Variants in FIRRM observed in about 807,000 individuals in gnomAD.
FIRRM encodes FIGNL1-interacting regulator of recombination and mitosis.
the FIRRM span, among the ~76,000 whole-genome samples, chr1:169,802,223 G>A: frequency 4.6e-5 from 7 of 152,160 alleles, no homozygotes; most frequent in Non-Finnish European, 8.8e-5. Context: ...GCGATTCAGT[G>A]CAAATTCCTT....
the FIRRM span, among the ~76,000 whole-genome samples, chr1:169,814,423 A>G: frequency 2.0e-5 from 3 of 152,224 alleles, no homozygotes; most frequent in African/African-American, 2.4e-5. Flanking sequence ...TCAGTATACA[A>G]TAATTTCATA....
At chr1:169,793,550 G>C in the FIRRM span, 13 of 1,614,174 alleles carry the variant, frequency 8.1e-6, no homozygotes, top group Non-Finnish European at 1.1e-5. Flanking sequence ...TTGTTCTGCA[G>C]AACATTTTCT....
At chr1:169,816,937 G>T in the FIRRM span, among the ~76,000 whole-genome samples, 4 of 152,142 alleles carry the variant, frequency 2.6e-5, no homozygotes, top group African/African-American at 9.7e-5. Context: ...TGTAAGTTAA[G>T]AATATTCATA....
At chr1:169,801,644 A>G in the FIRRM span, among the ~76,000 whole-genome samples, 3 of 151,470 alleles carry the variant, frequency 2.0e-5, no homozygotes, top group Non-Finnish European at 4.4e-5. Context: ...GGCAAAATCA[A>G]GTAACTAAGA....
At chr1:169,840,249 A>G in the FIRRM span, among the ~76,000 whole-genome samples, 1 of 152,128 alleles carries the variant, frequency 6.6e-6, no homozygotes, top group African/African-American at 2.4e-5. Flanking sequence ...GTTTCTTCTA[A>G]TTCTGTGAAA....
the FIRRM span, among the ~76,000 whole-genome samples, chr1:169,811,051 G>A: frequency 2.1e-4 from 31 of 150,698 alleles, no homozygotes; most frequent in Non-Finnish European, 3.8e-4. Context: ...TAGTAGAGAC[G>A]GGGTTTCACC....
At chr1:169,853,152 G>A in the FIRRM span, 1 of 707,798 alleles carries the variant, frequency 1.4e-6, no homozygotes, top group African/African-American at 1.8e-5. Flanking sequence ...TTCTTATTAA[G>A]AACTTTGGTA....
At chr1:169,793,814 T>G in the FIRRM span, 1 of 888,456 alleles carries the variant, frequency 1.1e-6, no homozygotes, top group Admixed American at 3.2e-5. Context: ...CAATTTCTCT[T>G]TAGCAGCTTA....
the FIRRM span, among the ~76,000 whole-genome samples, chr1:169,810,316 A>G: frequency 7.2e-5 from 11 of 152,246 alleles, no homozygotes; most frequent in African/African-American, 1.4e-4. Context: ...CATGTGATGT[A>G]TCATTCCTTG....
At chr1:169,853,470 T>A in the FIRRM span, 6 of 471,774 alleles carry the variant, frequency 1.3e-5, no homozygotes, top group Middle Eastern at 5.5e-4. Context: ...GAAACTGGCC[T>A]CAGTCAAATG....
At chr1:169,816,498 T>G in the FIRRM span, among the ~76,000 whole-genome samples, 2 of 152,236 alleles carry the variant, frequency 1.3e-5, no homozygotes, top group African/African-American at 4.8e-5. Flanking sequence ...TAAGACTGAT[T>G]TGCTTTTTTA....
chr1:169,834,561 C>G, the FIRRM span, among the ~76,000 whole-genome samples: 1 of 152,044 alleles, frequency 6.6e-6, no homozygotes, highest in Non-Finnish European at 1.5e-5. Context: ...AGGCCAGGCA[C>G]TTAATTCATT....
the FIRRM span, chr1:169,821,837 A>G: frequency 1.1e-6 from 1 of 949,598 alleles, no homozygotes; most frequent in African/African-American, 1.7e-5. Flanking sequence ...TCCACAGAAT[A>G]GAAATTTCAA....
chr1:169,792,679 CT>C, the FIRRM span: 10 of 1,611,890 alleles, frequency 6.2e-6, no homozygotes, highest in Non-Finnish European at 8.5e-6. Context: ...CTTCTACAAA[CT>C]TCTGAAAGAG....
chr1:169,820,210 A>G, the FIRRM span, among the ~76,000 whole-genome samples: 2 of 152,152 alleles, frequency 1.3e-5, no homozygotes, highest in African/African-American at 4.8e-5. Context: ...AGAATGGGAG[A>G]AAAGCATTGC....
chr1:169,853,832 C>A, the FIRRM span: 1 of 1,580,510 alleles, frequency 6.3e-7, no homozygotes, highest in Admixed American at 1.7e-5. Flanking sequence ...AAAAATCATA[C>A]GCAAATTTGA....
At chr1:169,810,560 A>C in the FIRRM span, among the ~76,000 whole-genome samples, 1 of 152,026 alleles carries the variant, frequency 6.6e-6, no homozygotes, top group Non-Finnish European at 1.5e-5. Flanking sequence ...TCTTTTTATA[A>C]GAACACCAGT....
At chr1:169,822,878 A>G in the FIRRM span, among the ~76,000 whole-genome samples, 1 of 152,188 alleles carries the variant, frequency 6.6e-6, no homozygotes, top group Non-Finnish European at 1.5e-5. Flanking sequence ...ATTATGACAC[A>G]GTTTTTAACG....
chr1:169,851,667 TA>T, the FIRRM span: 3 of 853,990 alleles, frequency 3.5e-6, no homozygotes, highest in Non-Finnish European at 5.5e-6. Context: ...TAATCCAGAT[TA>T]TACTAAGAGT....
Sources: gnomAD v4.1 joint callset for allele counts (sites outside exome capture counted in the v4.1 genomes callset) on GRCh38, gnomAD v4.1.1 for gene constraint, MANE v1.5 for transcripts, NCBI Gene and HGNC (gene_info 2026-07-23, HGNC 2026-07-21) for gene names.